AZIN1: variants seen among roughly 807,000 people sequenced by gnomAD.
The protein encoded by AZIN1 is ornithine decarboxylase antizyme inhibitor.
A neutral mutation model predicts 47.4 loss-of-function variants in AZIN1; 12 were observed. The ratio of observed to expected loss-of-function variants is 0.25; its 90% CI spans 0.16 to 0.41. The LOEUF is 0.41. Ranked by LOEUF, AZIN1 falls within the 10% of genes least tolerant of loss-of-function variation. The pLI, the probability that AZIN1 is intolerant of heterozygous loss-of-function variation, is 1.00. For synonymous variants in AZIN1, 155 were observed against 176.3 expected, an observed-to-expected ratio of 0.88 and a Z score of 0.96; for missense variants, 410 against 532.4, an observed-to-expected ratio of 0.77 and a Z score of 2.26.
In AZIN1 at chr8:102,828,688, A is replaced by G; in HGVS notation, c.1236-10T>C. The G allele has an allele frequency of 6.3e-7, 1 of 1,575,124 alleles. No homozygotes were observed. Among genetic ancestry groups the G allele is most frequent in the Non-Finnish European group, 8.7e-7 (1 of 1,149,742 alleles). On this transcript the variant is annotated splice_polypyrimidine_tract_variant and intron_variant, in intron 11 of 11. Coordinates refer to ENST00000337198, the MANE Select transcript of AZIN1 (RefSeq NM_148174.4). ...ATCTTGCATCTCATACCTACGTAGA[A>G]AAAAAATCAGCTAAATTCTCAGTTT...
At chr8:102,843,838 G>A (rs964694082) in intron 2 of AZIN1, 91 bp from the exon 3 acceptor site, 68 of 911,554 alleles carry the variant, frequency 7.5e-5, no homozygotes, top group Non-Finnish European at 8.3e-5. Flanking sequence ...CTAATTTAGT[G>A]AGGAATTTAC....
At chr8:102,861,438 G>C (rs894834197) in intron 1 of AZIN1, among the ~76,000 whole-genome samples, 2 of 151,328 alleles carry the variant, frequency 1.3e-5, no homozygotes, top group East Asian at 3.9e-4. Flanking sequence ...ATGTTAGCCA[G>C]GCTGGTCTCC....
chr8:102,856,079 G>A (rs1043648988), intron 2 of AZIN1: 1 of 143,150 alleles, frequency 7.0e-6, no homozygotes, highest in Middle Eastern at 3.6e-3. Flanking sequence ...ACAGATCCAG[G>A]TCAAGTTTTT....
chr8:102,832,955 A>G (rs1409797006), intron 9 of AZIN1, 101 bp downstream of exon 9: 1 of 1,109,880 alleles, frequency 9.0e-7, no homozygotes, highest in Non-Finnish European at 1.3e-6. Flanking sequence ...TAAGATTTTT[A>G]AAAGCTGAAA....
chr8:102,847,570 ATT>A (rs200379142), intron 2 of AZIN1, among the ~76,000 whole-genome samples: 10 of 141,964 alleles, frequency 7.0e-5, no homozygotes, highest in Admixed American at 7.0e-5. Flanking sequence ...AATTTTTCCC[ATT>A]TTTTTTTTTT....
intron 2 of AZIN1, among the ~76,000 whole-genome samples, chr8:102,849,426 C>T (rs1812788915): frequency 1.3e-5 from 2 of 152,058 alleles, no homozygotes; most frequent in Non-Finnish European, 2.9e-5. Context: ...GGAAATAATT[C>T]CCAAAAGAAA....
intron 1 of AZIN1, among the ~76,000 whole-genome samples, chr8:102,861,096 C>G (rs1220807440): frequency 1.3e-5 from 2 of 152,164 alleles, no homozygotes; most frequent in Non-Finnish European, 2.9e-5. Context: ...AAGTCAGTTT[C>G]TTAGTTTTAA....
chr8:102,848,323 C>CAAAAAAAAAAAAAAAAA (rs60663839), intron 2 of AZIN1, among the ~76,000 whole-genome samples: 2 of 91,588 alleles, frequency 2.2e-5, no homozygotes, highest in Non-Finnish European at 4.3e-5. Context: ...ACTAAAAGGC[C>CAAAAAAAAAAAAAAAAA]AAAAAAAAAA....
At chr8:102,839,917 A>G in intron 3 of AZIN1, 94 bp from the exon 4 acceptor site, 1 of 836,570 alleles carries the variant, frequency 1.2e-6, no homozygotes, top group South Asian at 2.1e-5. Flanking sequence ...TCCTCCACAA[A>G]TATATGGGTC....
At chr8:102,836,605 G>C in intron 5 of AZIN1, 2 of 525,200 alleles carry the variant, frequency 3.8e-6, no homozygotes, top group South Asian at 5.3e-5. Flanking sequence ...TGGGATTTTG[G>C]AAAATGCAGC....
intron 10 of AZIN1, 29 bp downstream of exon 10, chr8:102,829,792 T>C: frequency 6.6e-7 from 1 of 1,504,386 alleles, no homozygotes; most frequent in Non-Finnish European, 9.2e-7. Context: ...AAATGCCAAA[T>C]AGGTTTTGAT....
intron 2 of AZIN1, among the ~76,000 whole-genome samples, chr8:102,852,238 C>T (rs1812959085): frequency 6.6e-6 from 1 of 152,136 alleles, no homozygotes; most frequent in South Asian, 2.1e-4. Flanking sequence ...AGGATCCTTG[C>T]AGTAAAGAGC....
chr8:102,836,481 T>C, intron 5 of AZIN1, 91 bp from the exon 6 acceptor site: 1 of 1,375,810 alleles, frequency 7.3e-7, no homozygotes, highest in Non-Finnish European at 1.0e-6. Flanking sequence ...GTGTTGATTA[T>C]GTTGCCAGTG....
chr8:102,834,277 A>G lies in AZIN1; in HGVS notation c.667-14T>C, dbSNP rs146537666. The G allele has an allele frequency of 6.2e-5, 100 of 1,601,374 alleles. No individual in the cohort carries two copies. In the African/African-American group the frequency reaches 1.2e-3, roughly 19 times the overall value. On this transcript the variant is annotated splice_polypyrimidine_tract_variant and intron_variant, in intron 7 of 11. Transcript: ENST00000337198. ...GCCAATTTCTCCCTAGAGATGGAAA[A>G]AAAAAATTTAAATGTTTTTCCAAAT...
At chr8:102,861,982 G>A (rs1013001921) in intron 1 of AZIN1, among the ~76,000 whole-genome samples, 4 of 151,914 alleles carry the variant, frequency 2.6e-5, no homozygotes, top group South Asian at 2.1e-4. Flanking sequence ...GTTGCAGTAA[G>A]CCGAGATTGT....
chr8:102,853,526 T>C (rs1209775045), intron 2 of AZIN1, among the ~76,000 whole-genome samples: 1 of 152,188 alleles, frequency 6.6e-6, no homozygotes, highest in Non-Finnish European at 1.5e-5. Context: ...AAAACTGGTC[T>C]ACGTTGCTTT....
chr8:102,845,526 G>GT (rs1258313437), intron 2 of AZIN1, among the ~76,000 whole-genome samples: 3 of 152,116 alleles, frequency 2.0e-5, no homozygotes, highest in Non-Finnish European at 4.4e-5. Context: ...CAGGACTGCT[G>GT]TAAATCTGTG....
intron 1 of AZIN1, among the ~76,000 whole-genome samples, chr8:102,858,879 G>A (rs1813453574): frequency 6.6e-6 from 1 of 152,176 alleles, no homozygotes; most frequent in Admixed American, 6.5e-5. Flanking sequence ...GTGAGTTTTA[G>A]ACATTGTTAC....
intron 5 of AZIN1, among the ~76,000 whole-genome samples, chr8:102,837,126 G>C (rs1342732021): frequency 6.6e-6 from 1 of 151,980 alleles, no homozygotes; most frequent in African/African-American, 2.4e-5. Flanking sequence ...CACCATGTTG[G>C]CCAGGCTGGT....
Sources: gnomAD v4.1 joint callset for allele counts (sites outside exome capture counted in the v4.1 genomes callset) on GRCh38, gnomAD v4.1.1 for gene constraint, MANE v1.5 for transcripts, NCBI Gene and HGNC (gene_info 2026-07-23, HGNC 2026-07-21) for gene names.